The following SLC35F3 variants were observed in gnomAD, a reference collection of about 807,000 sequenced individuals.
The protein encoded by SLC35F3 is putative thiamine transporter SLC35F3.
A neutral mutation model predicts 49.9 loss-of-function variants in SLC35F3; 25 were observed. The ratio of observed to expected loss-of-function variants is 0.50; its 90% confidence interval spans 0.37 to 0.70. SLC35F3 has a LOEUF of 0.70. SLC35F3 is among the 30% of genes least tolerant of loss of function. The pLI, the probability that SLC35F3 is intolerant of heterozygous loss-of-function variation, is 0.00. For missense variants in SLC35F3, 525 were observed against 639.8 expected (o/e 0.82, Z 1.94); for synonymous variants, 275 against 265.4 (o/e 1.04, Z -0.35).
At chr1:234,041,570 C>T (rs1236127762) in intron 2 of SLC35F3, among the ~76,000 whole-genome samples, 1 of 152,034 alleles carries the variant, frequency 6.6e-6, no homozygotes, top group East Asian at 1.9e-4. Flanking sequence ...TATGCATTCA[C>T]ACTCACACAC....
At chr1:234,263,450 C>T (rs984424987) in intron 3 of SLC35F3, among the ~76,000 whole-genome samples, 9 of 152,032 alleles carry the variant, frequency 5.9e-5, no homozygotes, top group Non-Finnish European at 1.0e-4. Context: ...ATCTTGCTTG[C>T]GTCTATATTT....
rs1213626275 is a variant in SLC35F3 at position 234,181,498 on chromosome 1, A to G, written c.284-49919A>G. 1.7e-4 allele frequency among the ~76,000 whole-genome samples: 26 copies of G among 152,176 alleles called. 1 individual carries two copies. Among genetic ancestry groups the G allele is most frequent in the Admixed American group, 1.7e-3 (26 of 15,280 alleles). On this transcript the variant is annotated intron_variant, in intron 2 of 7. Coordinates refer to ENST00000366618, the MANE Select transcript of SLC35F3 (RefSeq NM_173508.4). Reference sequence around the variant, plus strand: ...CATTTTTAAATAGTTTGTTTGCATCAGGATCTAAATAAGGTCCATATCCAC... The same window carrying G: ...CATTTTTAAATAGTTTGTTTGCATCGGGATCTAAATAAGGTCCATATCCAC...
At chr1:234,140,911 G>T (rs1047245772) in intron 2 of SLC35F3, among the ~76,000 whole-genome samples, 1 of 152,184 alleles carries the variant, frequency 6.6e-6, no homozygotes, top group African/African-American at 2.4e-5. Flanking sequence ...TGGCAAAAGG[G>T]TTTACTTATA....
intron 2 of SLC35F3, among the ~76,000 whole-genome samples, chr1:233,939,358 G>A (rs530836590): frequency 6.6e-6 from 1 of 152,288 alleles, no homozygotes; most frequent in African/African-American, 2.4e-5. Context: ...AGGAGCCTGA[G>A]GTGAGAGGAT....
rs182572854 is a variant in SLC35F3 at position 234,057,473 on chromosome 1, A to G, written c.283+151715A>G. Among the ~76,000 whole-genome samples, 461 of 152,332 alleles carry G rather than the reference A, an allele frequency of 3.0e-3. 5 individuals are homozygous for G. Among genetic ancestry groups the G allele is most frequent in the African/African-American group, 0.011 (439 of 41,578 alleles). On this transcript the variant is annotated intron_variant, in intron 2 of 7. Coordinates refer to ENST00000366618, the MANE Select transcript of SLC35F3 (RefSeq NM_173508.4). The stretch of plus-strand genomic sequence containing the variant: ...TTCAGACTGGTCATTTCAAGTATAT[A>G]GAAATGCAATTGATTTTTTATCCTG...
intron 2 of SLC35F3, among the ~76,000 whole-genome samples, chr1:234,129,984 T>A (rs1318945876): frequency 6.6e-6 from 1 of 152,166 alleles, no homozygotes; most frequent in Non-Finnish European, 1.5e-5. Context: ...AGAAAATATC[T>A]TTAATCTTCC....
intron 3 of SLC35F3, among the ~76,000 whole-genome samples, chr1:234,246,906 G>A (rs192033430): frequency 5.9e-5 from 9 of 152,296 alleles, no homozygotes; most frequent in South Asian, 4.1e-4. Flanking sequence ...AGATGGTGTC[G>A]GTCGGGGGTA....
At chr1:233,956,994 C>T (rs907709711) in intron 2 of SLC35F3, among the ~76,000 whole-genome samples, 14 of 152,218 alleles carry the variant, frequency 9.2e-5, no homozygotes, top group Non-Finnish European at 1.3e-4. Context: ...TGGAGGGCAT[C>T]GACCTCTTCT....
chr1:234,050,562 C>T (rs533480476), intron 2 of SLC35F3, among the ~76,000 whole-genome samples: 1 of 152,266 alleles, frequency 6.6e-6, no homozygotes, highest in South Asian at 2.1e-4. Flanking sequence ...GAGTAGATTG[C>T]AAAAATTTTT....
At chr1:234,302,251 A>G (rs1419723984) in intron 3 of SLC35F3, among the ~76,000 whole-genome samples, 6 of 152,212 alleles carry the variant, frequency 3.9e-5, no homozygotes, top group Non-Finnish European at 8.8e-5. Context: ...TGGAGAGGTC[A>G]AAGGAAACTT....
chr1:234,159,631 G>A (rs6668036), intron 2 of SLC35F3, among the ~76,000 whole-genome samples: 20,531 of 152,142 alleles, frequency 0.13, 4,380 homozygotes, highest in African/African-American at 0.46. Context: ...GGAATTCTCA[G>A]ATAGGCTTTA....
At chr1:234,137,197 G>A (rs1179112662) in intron 2 of SLC35F3, among the ~76,000 whole-genome samples, 3 of 152,206 alleles carry the variant, frequency 2.0e-5, no homozygotes, top group Non-Finnish European at 4.4e-5. Context: ...TTTGAATGAA[G>A]GTGTAACCTT....
intron 2 of SLC35F3, among the ~76,000 whole-genome samples, chr1:234,083,591 G>T (rs1228876416): frequency 6.6e-6 from 1 of 152,164 alleles, no homozygotes; most frequent in Non-Finnish European, 1.5e-5. Context: ...CTTCATTCCA[G>T]AGTGCTTATG....
chr1:234,296,494 C>T (rs1019205615), intron 3 of SLC35F3, among the ~76,000 whole-genome samples: 1 of 152,202 alleles, frequency 6.6e-6, no homozygotes, highest in Non-Finnish European at 1.5e-5. Flanking sequence ...TTCAGAAGGT[C>T]CGTCCTTCCT....
chr1:234,293,443 T>C (rs974960069), intron 3 of SLC35F3, among the ~76,000 whole-genome samples: 1 of 152,222 alleles, frequency 6.6e-6, no homozygotes, highest in African/African-American at 2.4e-5. Context: ...TTTGAATCCT[T>C]GAATCTCTGT....
chr1:234,269,173 G>T (rs1429390742), intron 3 of SLC35F3, among the ~76,000 whole-genome samples: 1 of 152,076 alleles, frequency 6.6e-6, no homozygotes, highest in Non-Finnish European at 1.5e-5. Context: ...ATATGTTAAA[G>T]AATATTTCAT....
At chr1:234,096,958 C>T (rs923459742) in intron 2 of SLC35F3, among the ~76,000 whole-genome samples, 8 of 149,784 alleles carry the variant, frequency 5.3e-5, no homozygotes, top group Non-Finnish European at 1.0e-4. Context: ...GGTGTGCTCT[C>T]GGCTCACCAC....
intron 2 of SLC35F3, among the ~76,000 whole-genome samples, chr1:234,205,429 C>G (rs1210378309): frequency 6.6e-6 from 1 of 152,218 alleles, no homozygotes; most frequent in Non-Finnish European, 1.5e-5. Context: ...CCAGTGCACT[C>G]CAGCCTGGGC....
At chr1:233,986,318 C>T (rs1663265661) in intron 2 of SLC35F3, among the ~76,000 whole-genome samples, 1 of 152,082 alleles carries the variant, frequency 6.6e-6, no homozygotes, top group East Asian at 1.9e-4. Context: ...CCCAAGTTCC[C>T]ACTTATGTGA....
Sources: allele counts gnomAD v4.1 joint callset (sites outside exome capture counted in the v4.1 genomes callset), GRCh38; gene constraint gnomAD v4.1.1; transcripts MANE v1.5; gene names NCBI Gene and HGNC (gene_info 2026-07-23, HGNC 2026-07-21).